Variants in SGCZ observed in about 807,000 individuals in gnomAD.
SGCZ encodes the protein sarcoglycan zeta.
A neutral mutation model predicts 41.3 loss-of-function variants in SGCZ; 40 were observed. The ratio of observed to expected loss-of-function variants is 0.97; its 90% CI spans 0.75 to 1.26. The LOEUF (loss-of-function observed/expected upper bound fraction) is 1.26, where lower values mean the gene tolerates loss of function less well. Ranked by LOEUF, SGCZ falls within the 50% of genes most tolerant of loss-of-function variation. SGCZ has a pLI of 0.00. For missense variants in SGCZ, 552 were observed against 369.8 expected (o/e 1.49, Z -4.04); for synonymous variants, 206 against 137.5 (o/e 1.50, Z -3.49).
At chr8:14,640,505 A>T (rs1563172153) in intron 1 of SGCZ, among the ~76,000 whole-genome samples, 1 of 151,618 alleles carries the variant, frequency 6.6e-6, no homozygotes, top group Non-Finnish European at 1.5e-5. Context: ...TTCTTTTTTC[A>T]TCAGTTTCAC....
intron 1 of SGCZ, among the ~76,000 whole-genome samples, chr8:15,009,872 C>T (rs1261121602): frequency 1.3e-5 from 2 of 152,138 alleles, no homozygotes. Flanking sequence ...ATAATTTCCT[C>T]TGTAGCAAAT....
At chr8:14,231,001 A>AT (rs898225772) in intron 4 of SGCZ, among the ~76,000 whole-genome samples, 17 of 152,246 alleles carry the variant, frequency 1.1e-4, no homozygotes, top group African/African-American at 4.1e-4. Context: ...TACTTTAAAA[A>AT]ATATATCCAG....
chr8:14,117,349 A>T (rs1802552509), intron 5 of SGCZ, among the ~76,000 whole-genome samples: 1 of 72,328 alleles, frequency 1.4e-5, no homozygotes, highest in Non-Finnish European at 2.8e-5. Flanking sequence ...TATTTTCAAT[A>T]GGTAGTGTTT....
At chr8:15,216,302 C>T (rs1801401022) in intron 1 of SGCZ, among the ~76,000 whole-genome samples, 1 of 146,006 alleles carries the variant, frequency 6.8e-6, no homozygotes, top group South Asian at 2.1e-4. Flanking sequence ...TCAAGGCAAG[C>T]TCCGCCTCCT....
chr8:14,943,371 G>A (rs942886240), intron 1 of SGCZ, among the ~76,000 whole-genome samples: 18 of 152,066 alleles, frequency 1.2e-4, no homozygotes, highest in African/African-American at 4.3e-4. Context: ...GGTCAAAAAG[G>A]CACTAAGTAC....
At chr8:14,505,838 T>A (rs1199077070) in intron 2 of SGCZ, among the ~76,000 whole-genome samples, 1 of 152,132 alleles carries the variant, frequency 6.6e-6, no homozygotes, top group African/African-American at 2.4e-5. Context: ...TTAGGCCCCA[T>A]CGTATACTTA....
chr8:14,154,900 CT>C (rs1803830292), intron 5 of SGCZ, among the ~76,000 whole-genome samples: 1 of 152,142 alleles, frequency 6.6e-6, no homozygotes, highest in South Asian at 2.1e-4. Flanking sequence ...GTGAGCCAGT[CT>C]TCAAATGATA....
intron 3 of SGCZ, among the ~76,000 whole-genome samples, chr8:14,321,895 A>G (rs1164941813): frequency 6.6e-6 from 1 of 152,114 alleles, no homozygotes; most frequent in Non-Finnish European, 1.5e-5. Flanking sequence ...TTAACCTAAG[A>G]GTTAAGCACT....
chr8:15,216,772 G>A (rs1053211121), intron 1 of SGCZ, among the ~76,000 whole-genome samples: 5 of 152,174 alleles, frequency 3.3e-5, no homozygotes, highest in African/African-American at 1.2e-4. Flanking sequence ...AGCAGTGATG[G>A]AGTTACAAAC....
intron 2 of SGCZ, among the ~76,000 whole-genome samples, chr8:14,449,579 G>T (rs1293121332): frequency 6.6e-6 from 1 of 152,118 alleles, no homozygotes; most frequent in African/African-American, 2.4e-5. Context: ...CATTGAGTCT[G>T]TGTCCCCTCT....
chr8:15,177,280 C>A (rs759853353), intron 1 of SGCZ, among the ~76,000 whole-genome samples: 4 of 152,058 alleles, frequency 2.6e-5, no homozygotes, highest in Non-Finnish European at 4.4e-5. Flanking sequence ...GAAATTATGC[C>A]AAGAGACAGT....
chr8:15,180,754 G>A (rs539239621), intron 1 of SGCZ, among the ~76,000 whole-genome samples: 1 of 135,662 alleles, frequency 7.4e-6, no homozygotes, highest in Non-Finnish European at 1.7e-5. Flanking sequence ...GGGCATGGTG[G>A]TGGGCGCCTG....
chr8:14,559,358 C>A (rs916554359), intron 1 of SGCZ, among the ~76,000 whole-genome samples: 6 of 152,046 alleles, frequency 3.9e-5, no homozygotes, highest in African/African-American at 1.4e-4. Flanking sequence ...AGAATCAAAT[C>A]AAGAACTCGA....
chr8:14,905,125 T>G (rs929361010), intron 1 of SGCZ, among the ~76,000 whole-genome samples: 11 of 152,040 alleles, frequency 7.2e-5, no homozygotes, highest in Admixed American at 5.2e-4. Flanking sequence ...TGAATTATAT[T>G]TCTTCAAATG....
chr8:15,075,582 A>C (rs980157874), intron 1 of SGCZ, among the ~76,000 whole-genome samples: 1 of 152,164 alleles, frequency 6.6e-6, no homozygotes, highest in Non-Finnish European at 1.5e-5. Context: ...AAAGGCAGAA[A>C]ACTGGTTAGG....
chr8:14,689,880 C>T (rs1039410545), intron 1 of SGCZ, among the ~76,000 whole-genome samples: 5 of 152,070 alleles, frequency 3.3e-5, no homozygotes, highest in South Asian at 2.1e-4. Flanking sequence ...GAAAAATGGG[C>T]GGAGACTGGT....
At chr8:14,840,264 A>G (rs528183618) in intron 1 of SGCZ, among the ~76,000 whole-genome samples, 1 of 152,264 alleles carries the variant, frequency 6.6e-6, no homozygotes, top group East Asian at 1.9e-4. Context: ...GCCACCTATT[A>G]TATTGCAAGG....
intron 1 of SGCZ, among the ~76,000 whole-genome samples, chr8:15,186,262 CAAA>C (rs61237091): frequency 7.3e-4 from 59 of 80,678 alleles, no homozygotes; most frequent in African/African-American, 3.7e-3. Flanking sequence ...GATTCCGTAC[CAAA>C]AAAAAAAAAA....
chr8:14,487,479 C>T (rs1801706973), intron 2 of SGCZ, among the ~76,000 whole-genome samples: 1 of 152,162 alleles, frequency 6.6e-6, no homozygotes, highest in South Asian at 2.1e-4. Context: ...CCTAGATGTG[C>T]TGATTTGTGC....
Sources: gnomAD v4.1 joint callset for allele counts (sites outside exome capture counted in the v4.1 genomes callset) on GRCh38, gnomAD v4.1.1 for gene constraint, MANE v1.5 for transcripts, NCBI Gene and HGNC (gene_info 2026-07-23, HGNC 2026-07-21) for gene names.